The following ACOT1 variants were observed in gnomAD, a reference collection of about 807,000 sequenced individuals.
ACOT1 encodes the protein acyl-CoA thioesterase 1, also known as acyl-coenzyme A thioesterase 1.
Under a neutral mutation model 15.7 loss-of-function variants are expected in ACOT1, and 8 were observed. That is an observed-to-expected ratio of 0.51 (90% confidence interval 0.30 to 0.92). ACOT1 has a LOEUF of 0.92. Ranked by LOEUF, ACOT1 falls within the 40% of genes least tolerant of loss-of-function variation. The pLI, the probability that ACOT1 is intolerant of heterozygous loss-of-function variation, is 0.06. For missense variants in ACOT1, 151 were observed against 539.4 expected, an observed-to-expected ratio of 0.28 and a Z score of 7.13; for synonymous variants, 67 against 241.2, an observed-to-expected ratio of 0.28 and a Z score of 6.69.
chr14:73,506,433 G>A, the ACOT1 span: 1 of 1,511,896 alleles, frequency 6.6e-7, no homozygotes, highest in Non-Finnish European at 9.2e-7. Context: ...CCTCTCTTAG[G>A]CTTTCTGTCC....
the ACOT1 span, chr14:73,498,438 C>A: frequency 1.9e-6 from 2 of 1,078,196 alleles, no homozygotes; most frequent in Non-Finnish European, 2.6e-6. Flanking sequence ...AATACCTTCC[C>A]TTTTGGATGG....
At chr14:73,500,968 C>G in the ACOT1 span, among the ~76,000 whole-genome samples, 1 of 152,194 alleles carries the variant, frequency 6.6e-6, no homozygotes, top group African/African-American at 2.4e-5. Flanking sequence ...CACTGAATGA[C>G]TGAATAAAGG....
chr14:73,491,677 G>A, the ACOT1 span: 1 of 1,549,874 alleles, frequency 6.5e-7, no homozygotes, highest in South Asian at 1.2e-5. Flanking sequence ...ACTTTTACCG[G>A]CGCCTATGGG....
chr14:73,539,753 T>TC (rs1889014196), intron 1 of ACOT1: 1 of 117,942 alleles, frequency 8.5e-6, no homozygotes, highest in Non-Finnish European at 1.9e-5. Context: ...GCGGTCCCTG[T>TC]CCATCAGCAC....
At chr14:73,508,365 G>A in the ACOT1 span, 9 of 1,381,102 alleles carry the variant, frequency 6.5e-6, no homozygotes, top group Admixed American at 1.8e-5. Flanking sequence ...CCTTTGGATT[G>A]ATACCCAAGG....
At chr14:73,494,912 T>C in the ACOT1 span, among the ~76,000 whole-genome samples, 3 of 152,270 alleles carry the variant, frequency 2.0e-5, no homozygotes, top group South Asian at 6.2e-4. Flanking sequence ...TTTGAGTGCT[T>C]AGTCAAACAT....
chr14:73,524,310 A>AAAAAT, the ACOT1 span, among the ~76,000 whole-genome samples: 122 of 54,778 alleles, frequency 2.2e-3, 1 homozygote, highest in African/African-American at 7.0e-3. Flanking sequence ...AAAAAAAAAA[A>AAAAAT]ATATATATAT....
chr14:73,512,531 T>G, the ACOT1 span, among the ~76,000 whole-genome samples: 2 of 152,206 alleles, frequency 1.3e-5, no homozygotes, highest in African/African-American at 4.8e-5. Context: ...TACTTAACCC[T>G]GAGCCTGAGA....
At chr14:73,503,086 TTTC>T in the ACOT1 span, 1 of 1,215,590 alleles carries the variant, frequency 8.2e-7, no homozygotes, top group South Asian at 1.2e-5. Flanking sequence ...TGTGCTGTTT[TTTC>T]TTCTTTTTTT....
chr14:73,500,758 ACCT>A, the ACOT1 span: 1 of 1,600,472 alleles, frequency 6.2e-7, no homozygotes, highest in Non-Finnish European at 8.5e-7. Flanking sequence ...CTTTCCTTTC[ACCT>A]CCTTAAACTT....
At chr14:73,530,794 ATTTTTTTTTTTTT>A in the ACOT1 span, among the ~76,000 whole-genome samples, 1 of 57,788 alleles carries the variant, frequency 1.7e-5, no homozygotes, top group African/African-American at 6.7e-5. Flanking sequence ...TCTCGGTTAA[ATTTTTTTTTTTTT>A]TTTTTTTTTT....
At chr14:73,522,394 G>A in the ACOT1 span, 1 of 1,614,230 alleles carries the variant, frequency 6.2e-7, no homozygotes, top group Non-Finnish European at 8.5e-7. Context: ...CCAGGTCACT[G>A]GCAGAGGTAA....
At chr14:73,535,876 T>TA (rs1373006071), upstream of ACOT1, among the ~76,000 whole-genome samples, 2 of 116,386 alleles carry the variant, frequency 1.7e-5, 1 homozygote, top group Admixed American at 1.9e-4. Flanking sequence ...ACTGGGATTA[T>TA]AGGCGTGAGC....
the ACOT1 span, among the ~76,000 whole-genome samples, chr14:73,497,901 C>T: frequency 2.0e-5 from 3 of 152,324 alleles, no homozygotes; most frequent in African/African-American, 2.4e-5. Context: ...GCTGGGATTA[C>T]AGGCGTGAGT....
chr14:73,502,894 C>T, the ACOT1 span: 5 of 1,608,660 alleles, frequency 3.1e-6, no homozygotes, highest in Non-Finnish European at 2.6e-6. Context: ...CTGGGTCTTA[C>T]CTGATTATGT....
chr14:73,500,650 T>C, the ACOT1 span: 30 of 1,614,192 alleles, frequency 1.9e-5, no homozygotes, highest in Middle Eastern at 3.3e-4. Flanking sequence ...TGGGAGAAGC[T>C]TGGCGGTCAT....
chr14:73,501,421 G>A, the ACOT1 span, among the ~76,000 whole-genome samples: 114 of 151,210 alleles, frequency 7.5e-4, no homozygotes, highest in Non-Finnish European at 1.4e-3. Context: ...CACCGCGCCC[G>A]GCCTTAAATT....
upstream of ACOT1, among the ~76,000 whole-genome samples, chr14:73,534,581 C>T (rs527976074): frequency 1.2e-3 from 135 of 108,996 alleles, 28 homozygotes; most frequent in African/African-American, 3.9e-3. Flanking sequence ...CCCAGGTGCT[C>T]GGGAGGCTGA....
the ACOT1 span, chr14:73,498,108 A>G: frequency 6.6e-7 from 1 of 1,523,422 alleles, no homozygotes; most frequent in African/African-American, 1.4e-5. Flanking sequence ...AAGATGTGAG[A>G]GTTGGCAGTA....
Sources: gnomAD v4.1 joint callset for allele counts (sites outside exome capture counted in the v4.1 genomes callset) on GRCh38, gnomAD v4.1.1 for gene constraint, MANE v1.5 for transcripts, NCBI Gene and HGNC (gene_info 2026-07-23, HGNC 2026-07-21) for gene names.